MINAR1: variants seen among roughly 807,000 people sequenced by gnomAD.
MINAR1 encodes the protein membrane integral NOTCH2 associated receptor 1.
In MINAR1, 40 loss-of-function variants were observed where a neutral mutation model predicts 65.1. That is an observed-to-expected ratio of 0.61 (90% CI 0.48 to 0.80). MINAR1 has a LOEUF of 0.80. MINAR1 is among the 30% of genes least tolerant of loss of function. The probability of loss-of-function intolerance (pLI) is 0.00; values close to 1 mark genes in which losing one functional copy is unlikely to be tolerated. For missense variants in MINAR1, 1,128 were observed against 1,148.0 expected (o/e 0.98, Z 0.25); for synonymous variants, 482 against 449.1 (o/e 1.07, Z -0.93).
chr15:79,468,287 G>A lies in MINAR1; in HGVS notation c.2654G>A (p.Arg885Lys), dbSNP rs1595959085. ...SLLKRKEAEF[R>K]RAKVCKIAAL... The stretch of plus-strand genomic sequence containing the variant: ...CTAAAACGTAAAGAAGCCGAATTCA[G>A]ACGAGCCAAGGTCTGCAAGATAGCT... Residue 885 changes from arginine (R) to lysine (K), a missense_variant, in exon 4 of 4, where the codon AGA (arginine) becomes AAA (lysine). Transcript: ENST00000305428. 6 of 1,614,000 alleles carry A rather than the reference G, an allele frequency of 3.7e-6. No homozygotes were observed. The African/African-American group carries it at 6.7e-5, about 18-fold the overall frequency.
At chr15:79,465,480 G>A (rs931842892) in intron 3 of MINAR1, among the ~76,000 whole-genome samples, 1 of 151,946 alleles carries the variant, frequency 6.6e-6, no homozygotes, top group Non-Finnish European at 1.5e-5. Context: ...TGAAACCTCA[G>A]TATTACCTCT....
At chr15:79,435,180 G>A (rs1279684220) in intron 1 of MINAR1, among the ~76,000 whole-genome samples, 1 of 152,010 alleles carries the variant, frequency 6.6e-6, no homozygotes, top group African/African-American at 2.4e-5. Flanking sequence ...GGAGGCTGAG[G>A]TAGGAGAATC....
In MINAR1 at chr15:79,456,785, G is replaced by A. The variant is rs201269380; in HGVS notation, c.638G>A (p.Arg213Lys). 8.9e-5 allele frequency: 143 copies of A among 1,614,184 alleles called. 1 individual carries two copies. The East Asian group carries it at 1.6e-3, about 18-fold the overall frequency. Residue 213 changes from arginine (R) to lysine (K), a missense_variant, in exon 2 of 4, where the codon AGG (arginine) becomes AAG (lysine). Physicochemically the swap from Arg to Lys is conservative, Grantham distance 26. Transcript: ENST00000305428. ...VTSPQPCEMQ[R>K]TYFPMNIENE... is the part of the protein sequence containing the mutation. ...AGCCCTCAGCCCTGTGAGATGCAGA[G>A]GACCTACTTCCCCATGAACATCGAA... is the stretch of plus-strand genomic sequence containing the variant.
intron 3 of MINAR1, among the ~76,000 whole-genome samples, chr15:79,464,926 A>G (rs1895783403): frequency 6.6e-6 from 1 of 152,180 alleles, no homozygotes; most frequent in African/African-American, 2.4e-5. Context: ...TTTCATCAGT[A>G]TCACTGGATG....
At chr15:79,463,555 TTATG>T in intron 3 of MINAR1, 1 of 662,746 alleles carries the variant, frequency 1.5e-6, no homozygotes, top group South Asian at 1.6e-5. Context: ...CTTGATTGAT[TTATG>T]TATTTTTTAT....
chr15:79,430,395 C>G (rs1894409550), upstream of MINAR1, among the ~76,000 whole-genome samples: 1 of 152,068 alleles, frequency 6.6e-6, no homozygotes, highest in South Asian at 2.1e-4. Flanking sequence ...TCCCACGCAG[C>G]TTCCTGTCCT....
chr15:79,420,412 A>T, the MINAR1 span: 3 of 152,218 alleles, frequency 2.0e-5, no homozygotes. Flanking sequence ...GTAAAATAAG[A>T]ATAAATTTTT....
Position 79,470,068 on chromosome 15 carries a change from G to A in MINAR1, c.*1684G>A, listed in dbSNP as rs1406376046. 3 of 152,428 alleles carry A rather than the reference G, an allele frequency of 2.0e-5. No homozygotes were observed. The highest frequency in any genetic ancestry group is 4.4e-5 in the Non-Finnish European group (3 of 68,022). 9.4% of individuals were successfully genotyped at this position (152,428 alleles called of 1,614,324 possible). A position where few individuals can be genotyped will look rare whatever the true frequency, so the allele number is the denominator to read the frequency against. On this transcript the variant is annotated 3_prime_UTR_variant, in exon 4 of 4. Transcript: ENST00000305428. ...CTGTGGTGAACCTTTATTTTTAGAA[G>A]TCTTCATGTTATCTATTTGTATTAT...
intron 1 of MINAR1, among the ~76,000 whole-genome samples, chr15:79,433,983 G>A (rs75864320): frequency 1.3e-5 from 2 of 152,316 alleles, no homozygotes; most frequent in East Asian, 1.9e-4. Context: ...AGCAGGAGAC[G>A]GTGGTGAGTC....
intron 1 of MINAR1, among the ~76,000 whole-genome samples, chr15:79,437,713 TG>T (rs201128323): frequency 8.2e-5 from 1 of 12,172 alleles, no homozygotes; most frequent in African/African-American, 2.3e-4. Context: ...GGTGTGGGTG[TG>T]GGTGGGTAGT....
chr15:79,469,896 C>A lies in MINAR1; in HGVS notation c.*1512C>A, dbSNP rs1382136767. On this transcript the variant is annotated 3_prime_UTR_variant, in exon 4 of 4. Transcript: ENST00000305428. ...AAATTTCTAAAAGATTTGAGAGCAT[C>A]TCAATTTTTAAAGCAATAGGAGTCT... 1 of 152,606 alleles carries A rather than the reference C, an allele frequency of 6.6e-6. No individual in the cohort carries two copies. Among genetic ancestry groups the A allele is most frequent in the Non-Finnish European group, 1.5e-5 (1 of 68,026 alleles). 9.5% of individuals were successfully genotyped at this position (152,606 alleles called of 1,614,324 possible). A position where few individuals can be genotyped will look rare whatever the true frequency, so the allele number is the denominator to read the frequency against.
At chr15:79,427,159 T>C in the MINAR1 span, 1 of 152,312 alleles carries the variant, frequency 6.6e-6, no homozygotes, top group Non-Finnish European at 1.5e-5. Context: ...AGCAAACTAA[T>C]GTGGGAACAG....
rs111499940 is a variant in MINAR1, at chr15:79,454,946, T to C, written c.-50-1152T>C. 6.9e-3 allele frequency among the ~76,000 whole-genome samples: 1,055 copies of C among 152,314 alleles called. 15 individuals carry two copies. Among genetic ancestry groups the C allele is most frequent in the African/African-American group, 0.024 (1,012 of 41,572 alleles). On this transcript the variant is annotated intron_variant, in intron 1 of 3. Coordinates refer to ENST00000305428, the MANE Select transcript of MINAR1 (RefSeq NM_015206.3). ...TTAAAATCTGTGAACAGTTTTTGAA[T>C]TGGGTTAATGATATGTATGATGAAG...
chr15:79,428,264 CCTTT>C (rs1421833230), upstream of MINAR1, among the ~76,000 whole-genome samples: 1 of 120,588 alleles, frequency 8.3e-6, no homozygotes, highest in Non-Finnish European at 1.7e-5. Context: ...TTCCCTCCTT[CCTTT>C]CTTCTCCCTC....
intron 1 of MINAR1, among the ~76,000 whole-genome samples, chr15:79,449,256 C>T (rs1895112972): frequency 6.6e-6 from 1 of 152,184 alleles, no homozygotes; most frequent in Non-Finnish European, 1.5e-5. Context: ...TAACCTCAGG[C>T]TTGCTCTGCT....
intron 1 of MINAR1, among the ~76,000 whole-genome samples, chr15:79,434,072 G>GT (rs1386615873): frequency 6.6e-6 from 1 of 152,204 alleles, no homozygotes; most frequent in Non-Finnish European, 1.5e-5. Flanking sequence ...GATAAATAAA[G>GT]TCTGATTTTT....
At position 79,458,887 on chromosome 15, in the gene MINAR1, C is replaced by T. The variant is rs185160913; in HGVS notation, c.2298+442C>T. ...GGACTTCATTGTATGTGTGATGTTCCTTTTTAAGTATGAGGTTTTTTTCAT... is the reference window on the plus strand; with the variant it reads ...GGACTTCATTGTATGTGTGATGTTCTTTTTTAAGTATGAGGTTTTTTTCAT... On this transcript the variant is annotated intron_variant, in intron 2 of 3. Transcript: ENST00000305428. 6.3e-3 allele frequency among the ~76,000 whole-genome samples: 962 copies of T among 152,158 alleles called. 2 individuals are homozygous for T. Among genetic ancestry groups the T allele is most frequent in the Non-Finnish European group, 0.011 (737 of 68,002 alleles).
At chr15:79,429,780 A>T (rs1894396275), upstream of MINAR1, among the ~76,000 whole-genome samples, 1 of 152,232 alleles carries the variant, frequency 6.6e-6, no homozygotes. Context: ...AGTAGTGCAG[A>T]CAAATAACCT....
chr15:79,457,103 C>T lies in MINAR1; in HGVS notation c.956C>T (p.Pro319Leu), dbSNP rs984893553. ...CAGTACCTGAATCCAGTGTATTCCC[C>T]GGTTCCTGACAAAAGGCGAGCAAAG... ...NSQYLNPVYS[P>L]VPDKRRAKHE... The change falls in exon 2 of 4, where the codon CCG (proline) becomes CTG (leucine). Residue 319 changes from proline to leucine, a missense_variant. By Grantham distance (98) the Pro-to-Leu change is moderately conservative (BLOSUM62 -3). Coordinates refer to ENST00000305428, the MANE Select transcript of MINAR1 (RefSeq NM_015206.3). The T allele has an allele frequency of 6.2e-6, 10 of 1,614,000 alleles. No individual in the cohort carries two copies. The highest frequency in any genetic ancestry group is 2.7e-5 in the African/African-American group (2 of 74,904).
Sources: gnomAD v4.1 joint callset for allele counts (sites outside exome capture counted in the v4.1 genomes callset) on GRCh38, gnomAD v4.1.1 for gene constraint, MANE v1.5 for transcripts, NCBI Gene and HGNC (gene_info 2026-07-23, HGNC 2026-07-21) for gene names.